ZBTB40: variants seen among roughly 807,000 people sequenced by gnomAD.
The protein encoded by ZBTB40 is zinc finger and BTB domain containing 40.
A neutral mutation model predicts 117.5 loss-of-function variants in ZBTB40; 60 were observed. The ratio of observed to expected loss-of-function variants is 0.51; its 90% CI spans 0.41 to 0.63. The LOEUF (loss-of-function observed/expected upper bound fraction) is 0.63. ZBTB40 is among the 30% of genes least tolerant of loss of function. The probability of loss-of-function intolerance (pLI) is 0.00; values close to 1 mark genes in which losing one functional copy is unlikely to be tolerated. For missense variants in ZBTB40, 1,287 were observed against 1,498.5 expected (o/e 0.86, Z 2.33); for synonymous variants, 525 against 577.1 (o/e 0.91, Z 1.29).
chr1:22,442,799 T>G (rs1047595781), intron 1 of ZBTB40, among the ~76,000 whole-genome samples: 3 of 152,206 alleles, frequency 2.0e-5, no homozygotes, highest in African/African-American at 7.2e-5. Context: ...TTATCTCCTA[T>G]ATGGTTGTTC....
chr1:22,520,499 C>T lies in ZBTB40; in HGVS notation c.3048+224C>T, dbSNP rs531807044. Among the ~76,000 whole-genome samples, 6 of 152,300 alleles carry T rather than the reference C, an allele frequency of 3.9e-5. No individual in the cohort carries two copies. In the East Asian group the frequency reaches 9.7e-4, roughly 25 times the overall value. On this transcript the variant is annotated intron_variant, in intron 14 of 17. Coordinates refer to ENST00000375647, the MANE Select transcript of ZBTB40 (RefSeq NM_014870.4). The stretch of plus-strand genomic sequence containing the variant: ...TCATTATTGGAGCAGAGAGTTCATA[C>T]GCTTCTTCTCTTAGACAGCAGACTT...
At chr1:22,440,556 C>T (rs1056600783) in intron 1 of ZBTB40, among the ~76,000 whole-genome samples, 1 of 152,020 alleles carries the variant, frequency 6.6e-6, no homozygotes, top group Non-Finnish European at 1.5e-5. Context: ...TGTTCCTGAT[C>T]CTAAGGAAGA....
chr1:22,447,408 G>A (rs113025134), upstream of ZBTB40, among the ~76,000 whole-genome samples: 139 of 152,260 alleles, frequency 9.1e-4, 1 homozygote, highest in African/African-American at 3.2e-3. Context: ...AGTGGTTGAC[G>A]GTTAGAGAGA....
At chr1:22,522,187 G>C (rs577636498) in intron 15 of ZBTB40, among the ~76,000 whole-genome samples, 190 bp from the exon 16 acceptor site, 2 of 152,300 alleles carry the variant, frequency 1.3e-5, no homozygotes, top group South Asian at 2.1e-4. Context: ...CATCCAGGCA[G>C]TCTGGATCCA....
chr1:22,503,894 C>T (rs937175175), intron 5 of ZBTB40, among the ~76,000 whole-genome samples: 1 of 152,122 alleles, frequency 6.6e-6, no homozygotes, highest in Admixed American at 6.5e-5. Context: ...TTGAATGTGT[C>T]CTTTGAACTG....
intron 5 of ZBTB40, 35 bp from the exon 6 acceptor site, chr1:22,506,014 G>C: frequency 6.2e-7 from 1 of 1,612,450 alleles, no homozygotes; most frequent in Non-Finnish European, 8.5e-7. Context: ...TGAATTGCCA[G>C]TAACTGGTGT....
chr1:22,517,372 C>T lies in ZBTB40; in HGVS notation c.2741C>T (p.Thr914Ile). Residue 914 changes from threonine (T) to isoleucine (I), a missense_variant, in exon 13 of 18, where the codon ACC becomes ATC. Around this residue, in one of 2 missense-constraint regions of ZBTB40, gnomAD observed 417 missense variants for 564.1 expected, o/e 0.74. Transcript: ENST00000375647. ...QSIELSRHVR[T>I]HTGDKPYVCR... ...ATTGAGCTGTCCCGCCACGTGAGGA[C>T]CCACACCGGGGACAAGCCCTATGTC... 6.2e-7 allele frequency: 1 copy of T among 1,614,196 alleles called. No homozygotes were observed. The highest frequency in any genetic ancestry group is 8.5e-7 in the Non-Finnish European group (1 of 1,180,034).
chr1:22,488,175 T>C (rs540434762), intron 1 of ZBTB40, among the ~76,000 whole-genome samples: 4 of 152,242 alleles, frequency 2.6e-5, no homozygotes, highest in Admixed American at 2.0e-4. Context: ...ATGTTGCCTT[T>C]TAGTTATTTA....
chr1:22,526,201 G>A lies in ZBTB40; in HGVS notation c.3526-1G>A. ...GCAGCCTCACGGTCTTTCTCTTTCAGGTGATCCAAACCCCAGAGCCGGTGG... is the reference window on the plus strand; with the variant it reads ...GCAGCCTCACGGTCTTTCTCTTTCAAGTGATCCAAACCCCAGAGCCGGTGG... On this transcript the variant is annotated splice_acceptor_variant, in intron 17 of 17. Coordinates refer to ENST00000375647, the MANE Select transcript of ZBTB40 (RefSeq NM_014870.4). LOFTEE classifies it high-confidence loss of function. 1 of 1,614,164 alleles carries A rather than the reference G, an allele frequency of 6.2e-7. No individual in the cohort carries two copies. The highest frequency in any genetic ancestry group is 8.5e-7 in the Non-Finnish European group (1 of 1,180,034).
chr1:22,450,656 G>A (rs1484725701), upstream of ZBTB40, among the ~76,000 whole-genome samples: 1 of 152,174 alleles, frequency 6.6e-6, no homozygotes, highest in African/African-American at 2.4e-5. Context: ...ACCGTTTGAA[G>A]TTTATGGTCA....
intron 1 of ZBTB40, among the ~76,000 whole-genome samples, chr1:22,459,123 G>T (rs935999948): frequency 6.6e-6 from 1 of 152,120 alleles, no homozygotes; most frequent in Non-Finnish European, 1.5e-5. Context: ...CTGTGATACA[G>T]ATTGCAAATA....
intron 1 of ZBTB40, among the ~76,000 whole-genome samples, chr1:22,488,350 CT>C (rs1638531302): frequency 6.6e-6 from 1 of 152,108 alleles, no homozygotes. Flanking sequence ...GCGATAAGTG[CT>C]ATGCTGAAAA....
chr1:22,514,774 G>A (rs567607780), intron 12 of ZBTB40, among the ~76,000 whole-genome samples: 3 of 152,286 alleles, frequency 2.0e-5, no homozygotes, highest in African/African-American at 7.2e-5. Context: ...GAATGCAAGT[G>A]TCATGAGTGG....
chr1:22,489,796 C>G, intron 1 of ZBTB40, 84 bp from the exon 2 acceptor site: 1 of 735,272 alleles, frequency 1.4e-6, no homozygotes, highest in East Asian at 2.6e-5. Context: ...AGTGAAATGC[C>G]TTTCTGTTCA....
At chr1:22,507,682 A>AC (rs925561920) in intron 6 of ZBTB40, among the ~76,000 whole-genome samples, 4 of 151,540 alleles carry the variant, frequency 2.6e-5, no homozygotes, top group East Asian at 1.9e-4. Context: ...CTTGACAAAC[A>AC]CCCCCCCTTG....
At chr1:22,442,522 T>C (rs1294295568) in intron 1 of ZBTB40, among the ~76,000 whole-genome samples, 6 of 152,094 alleles carry the variant, frequency 3.9e-5, no homozygotes, top group African/African-American at 1.5e-4. Flanking sequence ...TGTTTGTCGG[T>C]TAACTTTACC....
intron 1 of ZBTB40, among the ~76,000 whole-genome samples, chr1:22,467,195 G>A (rs1641276586): frequency 1.3e-5 from 2 of 151,762 alleles, no homozygotes; most frequent in Admixed American, 1.3e-4. Context: ...TTTTTTTCCT[G>A]CTACTATCAT....
At chr1:22,493,288 A>G (rs1383134932) in intron 3 of ZBTB40, among the ~76,000 whole-genome samples, 1 of 152,206 alleles carries the variant, frequency 6.6e-6, no homozygotes, top group Admixed American at 6.5e-5. Context: ...GAGCTCTGCA[A>G]ATCACTTGGT....
At chr1:22,465,778 T>TG (rs1269692892) in intron 1 of ZBTB40, among the ~76,000 whole-genome samples, 2 of 152,016 alleles carry the variant, frequency 1.3e-5, no homozygotes, top group Non-Finnish European at 2.9e-5. Flanking sequence ...AGCTGCCCCA[T>TG]GGGGGGCAGG....
Sources: gnomAD v4.1 joint callset for allele counts (sites outside exome capture counted in the v4.1 genomes callset) on GRCh38, gnomAD v4.1.1 for gene constraint, gnomAD v4.1.1 regional missense constraint, MANE v1.5 for transcripts, NCBI Gene and HGNC (gene_info 2026-07-23, HGNC 2026-07-21) for gene names.